Variants in PCDHA10 observed in about 807,000 individuals in gnomAD.
The protein encoded by PCDHA10 is protocadherin alpha-10.
In PCDHA10, 45 loss-of-function variants were observed where a neutral mutation model predicts 61.2. The observed-to-expected ratio is 0.74, with a 90% CI of 0.58 to 0.94. The LOEUF is 0.94. Among genes scored for constraint, PCDHA10 ranks in the 40% least tolerant of loss-of-function variants. The pLI is 0.00. For missense variants in PCDHA10, 1,278 were observed against 1,236.2 expected (o/e 1.03, Z -0.51); for synonymous variants, 602 against 548.8 (o/e 1.10, Z -1.35).
At chr5:140,993,345 C>T (rs557836440) in intron 3 of PCDHA10, among the ~76,000 whole-genome samples, 25 of 152,064 alleles carry the variant, frequency 1.6e-4, no homozygotes, top group African/African-American at 4.3e-4. Context: ...AAGGGCACTA[C>T]GAAGATCCTC....
chr5:140,859,825 T>C (rs752840072), intron 1 of PCDHA10: 1 of 152,250 alleles, frequency 6.6e-6, no homozygotes, highest in Admixed American at 6.5e-5. Flanking sequence ...AGTTTAGAAG[T>C]GTATTTGTTA....
At chr5:140,868,942 C>A (rs1238492263) in intron 1 of PCDHA10, 2 of 1,255,934 alleles carry the variant, frequency 1.6e-6, no homozygotes, top group South Asian at 1.6e-5. Flanking sequence ...TTGGTCTGAA[C>A]AGTGAGGCAC....
intron 1 of PCDHA10, among the ~76,000 whole-genome samples, chr5:140,918,041 C>T (rs1554198405): frequency 6.6e-6 from 1 of 152,058 alleles, no homozygotes; most frequent in Non-Finnish European, 1.5e-5. Flanking sequence ...AAGGTCTTTC[C>T]ATTTGTTTTA....
At chr5:140,871,062 C>CT in intron 1 of PCDHA10, 1 of 1,613,220 alleles carries the variant, frequency 6.2e-7, no homozygotes, top group South Asian at 1.1e-5. Context: ...TGAAGGATCA[C>CT]GGTGAGCCGG....
At chr5:140,869,740 A>G in intron 1 of PCDHA10, 1 of 1,613,346 alleles carries the variant, frequency 6.2e-7, no homozygotes, top group Non-Finnish European at 8.5e-7. Flanking sequence ...TTTGCTGCTA[A>G]CAGCTACAGA....
intron 1 of PCDHA10, chr5:140,863,681 T>C (rs2048119190): frequency 6.8e-6 from 2 of 294,950 alleles, no homozygotes; most frequent in Non-Finnish European, 1.3e-5. Flanking sequence ...TTTTGCTTTT[T>C]CTTTTGAGAT....
At chr5:140,877,225 G>A in intron 1 of PCDHA10, 1 of 1,613,746 alleles carries the variant, frequency 6.2e-7, no homozygotes. Context: ...ACCGCGGTCG[G>A]TGGGTGCGGG....
chr5:140,856,484 C>T lies in PCDHA10; in HGVS notation c.436C>T (p.Leu146=). 3 of 1,598,366 alleles carry T rather than the reference C, an allele frequency of 1.9e-6. 1 individual carries two copies. The highest frequency in any genetic ancestry group is 2.7e-5 in the African/African-American group (2 of 74,376). ...EQKLSIPESR[L]LDSRFPLEGA... The stretch of plus-strand genomic sequence containing the variant: ...AAAGCTCTCAATACCTGAATCCAGA[C>T]TGCTTGACTCTCGATTTCCACTAGA... The change falls in exon 1 of 4, where the codon CTG becomes TTG. Residue 146 remains leucine (L), a synonymous_variant. Coordinates refer to ENST00000307360, the MANE Select transcript of PCDHA10 (RefSeq NM_018901.4).
chr5:140,991,244 G>A (rs535469323), intron 3 of PCDHA10, among the ~76,000 whole-genome samples: 2 of 152,278 alleles, frequency 1.3e-5, no homozygotes, highest in South Asian at 4.1e-4. Flanking sequence ...GGTAAAGGCA[G>A]TATTTGAACT....
At chr5:140,878,002 C>T in intron 1 of PCDHA10, 1 of 1,005,678 alleles carries the variant, frequency 9.9e-7, no homozygotes. Flanking sequence ...ATGTATTTGT[C>T]TAACATTAAT....
chr5:140,956,130 AC>A (rs1328169081), intron 1 of PCDHA10, among the ~76,000 whole-genome samples: 3 of 152,088 alleles, frequency 2.0e-5, no homozygotes. Context: ...CTATTTGAAT[AC>A]CCTTTATTTC....
In PCDHA10 at chr5:140,968,471, G is replaced by A. The variant is rs531821868; in HGVS notation, c.2389-10478G>A. On this transcript the variant is annotated intron_variant, in intron 1 of 3. Coordinates refer to ENST00000307360, the MANE Select transcript of PCDHA10 (RefSeq NM_018901.4). ...CAGCACTGTGACTGCCAACGTATAT[G>A]TGGTGGACATGAATGACCATGCCCC... 3.3e-5 allele frequency: 54 copies of A among 1,614,154 alleles called. No homozygotes were observed. The South Asian group carries it at 5.7e-4, about 17-fold the overall frequency.
chr5:140,928,525 G>A (rs200642808), intron 1 of PCDHA10: 1 of 1,614,182 alleles, frequency 6.2e-7, no homozygotes, highest in East Asian at 2.2e-5. Context: ...AAACTTGTTT[G>A]TGGTAGATAG....
Position 140,856,146 on chromosome 5 carries a change from C to CA in PCDHA10, c.99dup (p.Val34SerfsTer57). ...GTGGGGAGCGGCCAGCTCCACTACT[C>CA]AGTCTACGAGGAGGCCAGACACGGC... On this transcript the variant is annotated frameshift_variant, in exon 1 of 4. Transcript: ENST00000307360. LOFTEE classifies it high-confidence loss of function. 2 of 1,598,308 alleles carry CA rather than the reference C, an allele frequency of 1.3e-6. No homozygotes were observed. The highest frequency in any genetic ancestry group is 1.7e-6 in the Non-Finnish European group (2 of 1,167,882).
chr5:141,008,199 T>G (rs966441661), intron 3 of PCDHA10, among the ~76,000 whole-genome samples: 3 of 152,338 alleles, frequency 2.0e-5, no homozygotes, highest in Admixed American at 2.0e-4. Flanking sequence ...AGTAATATAA[T>G]GAACTTGACA....
At chr5:140,919,858 T>C (rs1392372108) in intron 1 of PCDHA10, among the ~76,000 whole-genome samples, 1 of 152,246 alleles carries the variant, frequency 6.6e-6, no homozygotes, top group Non-Finnish European at 1.5e-5. Flanking sequence ...TGACCTCATT[T>C]GGAAATAAGT....
At chr5:140,863,966 A>G (rs1411552186) in intron 1 of PCDHA10, 1 of 154,822 alleles carries the variant, frequency 6.5e-6, no homozygotes, top group Non-Finnish European at 1.4e-5. Context: ...AGGCCACTGC[A>G]CTACAGCCTG....
chr5:140,881,369 T>C (rs2058687376), intron 1 of PCDHA10: 2 of 985,186 alleles, frequency 2.0e-6, no homozygotes, highest in Non-Finnish European at 2.4e-6. Flanking sequence ...TTCGTATGAA[T>C]TGCAGCCGGC....
Position 140,918,450 on chromosome 5 carries a change from G to A in PCDHA10, c.2388+60014G>A, listed in dbSNP as rs7725108. On this transcript the variant is annotated intron_variant, in intron 1 of 3. Transcript: ENST00000307360. ...TGTTGAATAGGAGTGGTGACAGTGGGCATCCTTGTCTTATTCCAAGTCTCA... is the reference window on the plus strand; with the variant it reads ...TGTTGAATAGGAGTGGTGACAGTGGACATCCTTGTCTTATTCCAAGTCTCA... Among the ~76,000 whole-genome samples, 323 of 152,246 alleles carry A rather than the reference G, an allele frequency of 2.1e-3. 2 individuals carry two copies. The highest frequency in any genetic ancestry group is 7.4e-3 in the African/African-American group (306 of 41,540).
Sources: gnomAD v4.1 joint callset for allele counts (sites outside exome capture counted in the v4.1 genomes callset) on GRCh38, gnomAD v4.1.1 for gene constraint, MANE v1.5 for transcripts, NCBI Gene and HGNC (gene_info 2026-07-23, HGNC 2026-07-21) for gene names.